Variants in PDE4A observed in about 807,000 individuals in gnomAD.
PDE4A encodes the protein phosphodiesterase 4A.
A neutral mutation model predicts 73.9 loss-of-function variants in PDE4A; 21 were observed. The observed-to-expected ratio is 0.28, with a 90% confidence interval of 0.20 to 0.41. PDE4A has a LOEUF of 0.41. Ranked by LOEUF, PDE4A falls within the 10% of genes least tolerant of loss-of-function variation. The pLI is 1.00. For synonymous variants in PDE4A, 463 were observed against 505.4 expected, an observed-to-expected ratio of 0.92 and a Z score of 1.13; for missense variants, 958 against 1,211.4, an observed-to-expected ratio of 0.79 and a Z score of 3.10.
intron 1 of PDE4A, among the ~76,000 whole-genome samples, chr19:10,425,241 C>A (rs1182552485): frequency 2.0e-5 from 3 of 150,742 alleles, no homozygotes; most frequent in African/African-American, 4.9e-5. Flanking sequence ...AAACAAAAAA[C>A]AAAAAACAGA....
intron 3 of PDE4A, 21 bp from the exon 4 acceptor site, chr19:10,449,059 C>T (rs1029701070): frequency 6.2e-7 from 1 of 1,612,716 alleles, no homozygotes; most frequent in Non-Finnish European, 8.5e-7. Context: ...CCCCACTCCT[C>T]ACTGCCGCTC....
intron 1 of PDE4A, chr19:10,432,583 G>T (rs1422325334): frequency 1.3e-6 from 2 of 1,514,376 alleles, no homozygotes; most frequent in African/African-American, 2.9e-5. Flanking sequence ...TGGGTGGCCC[G>T]TGGCCAGTCA....
intron 1 of PDE4A, among the ~76,000 whole-genome samples, chr19:10,440,944 C>T (rs1249738549): frequency 1.3e-5 from 2 of 148,528 alleles, no homozygotes; most frequent in East Asian, 4.0e-4. Context: ...CACCATGCTG[C>T]CCTGGCTGGT....
rs1412185202 is a variant in PDE4A at position 10,453,519 on chromosome 19, C to T, written c.784-1310C>T. On this transcript the variant is annotated intron_variant, in intron 6 of 14. Coordinates refer to ENST00000380702, the MANE Select transcript of PDE4A (RefSeq NM_001111307.2). The surrounding 1 kb of genome is among the most constrained non-coding windows in gnomAD (Gnocchi z 4.6). ...TGTGACTCTCCCTGGGGGTGGACTGCGGGTCCCTCACTGGGTGTGACTGTG... is the reference window on the plus strand; with the variant it reads ...TGTGACTCTCCCTGGGGGTGGACTGTGGGTCCCTCACTGGGTGTGACTGTG... Among the ~76,000 whole-genome samples the T allele has an allele frequency of 1.3e-5, 2 of 151,892 alleles. No individual in the cohort carries two copies. Among genetic ancestry groups the T allele is most frequent in the Non-Finnish European group, 2.9e-5 (2 of 67,928 alleles).
chr19:10,418,173 T>C (rs12978310), upstream of PDE4A, among the ~76,000 whole-genome samples: 1 of 152,206 alleles, frequency 6.6e-6, no homozygotes, highest in African/African-American at 2.4e-5. Context: ...CAGGCGGCTG[T>C]GCACCGGCTT....
At chr19:10,420,522 G>A, upstream of PDE4A, 1 of 1,088,630 alleles carries the variant, frequency 9.2e-7, no homozygotes, top group Non-Finnish European at 1.1e-6. This position sits in a 1 kb window ranked among gnomAD's most constrained non-coding sequence, Gnocchi z 6.0. Flanking sequence ...GCGGAACGCG[G>A]AGCGCGGAGC....
At chr19:10,459,550 CTGGAGGCCGG>C (rs1568382362) in intron 9 of PDE4A, 35 bp from the exon 10 acceptor site, 1 of 1,611,074 alleles carries the variant, frequency 6.2e-7, no homozygotes, top group Non-Finnish European at 8.5e-7. Flanking sequence ...TAGCGGGGCG[CTGGAGGCCGG>C]TGGAGGTCAC....
chr19:10,428,841 A>C, intron 1 of PDE4A: 1 of 985,454 alleles, frequency 1.0e-6, no homozygotes, highest in Non-Finnish European at 1.2e-6. Flanking sequence ...ACTCGAAAAT[A>C]GAGATTCACT....
At chr19:10,420,475 A>G (rs1302930850), upstream of PDE4A, 7 of 485,326 alleles carry the variant, frequency 1.4e-5, no homozygotes, top group Non-Finnish European at 1.9e-5. The surrounding 1 kb of genome is among the most constrained non-coding windows in gnomAD (Gnocchi z 6.0). Flanking sequence ...GAGGGGCGGG[A>G]CGGGGCGGAG....
intron 1 of PDE4A, among the ~76,000 whole-genome samples, chr19:10,425,931 G>T (rs561496129): frequency 2.4e-4 from 34 of 142,740 alleles, no homozygotes; most frequent in African/African-American, 9.0e-4. Flanking sequence ...AGGTTGCGGT[G>T]AGCCGAGATT....
chr19:10,430,837 CCGCGGCCATGG>C, intron 1 of PDE4A: 1 of 1,153,956 alleles, frequency 8.7e-7, no homozygotes, highest in Non-Finnish European at 1.1e-6. Context: ...CGGGGCCGCC[CCGCGGCCATGG>C]CGCGGCCGCG....
chr19:10,463,121 G>A (rs1284243870), intron 13 of PDE4A, among the ~76,000 whole-genome samples: 2 of 147,538 alleles, frequency 1.4e-5, no homozygotes, highest in Non-Finnish European at 3.0e-5. Context: ...TTTTGAGATC[G>A]GGTCTCTCTG....
intron 4 of PDE4A, 75 bp downstream of exon 4, chr19:10,449,225 T>G (rs1261019394): frequency 6.7e-7 from 1 of 1,499,750 alleles, no homozygotes; most frequent in African/African-American, 1.4e-5. Flanking sequence ...AGCCCTGCTG[T>G]GTGACCTCTG....
At chr19:10,440,594 TTTTA>T (rs1273715792) in intron 1 of PDE4A, among the ~76,000 whole-genome samples, 1 of 151,752 alleles carries the variant, frequency 6.6e-6, no homozygotes, top group Non-Finnish European at 1.5e-5. Flanking sequence ...TGGCTAATTA[TTTTA>T]TTTATTTATG....
chr19:10,423,814 G>A (rs1166906740), intron 1 of PDE4A, among the ~76,000 whole-genome samples: 1 of 152,240 alleles, frequency 6.6e-6, no homozygotes, highest in Non-Finnish European at 1.5e-5. Context: ...CTGTTTCACT[G>A]TGGGCCTGTG....
At chr19:10,462,751 C>T (rs549483960) in intron 13 of PDE4A, among the ~76,000 whole-genome samples, 1 of 152,260 alleles carries the variant, frequency 6.6e-6, no homozygotes, top group African/African-American at 2.4e-5. Flanking sequence ...GTCCCCTGTC[C>T]CTCTCCCTAA....
rs771562046 is a variant in PDE4A, at chr19:10,468,395, T to A, written c.*774T>A. On this transcript the variant is annotated 3_prime_UTR_variant, in exon 15 of 15. Transcript: ENST00000380702. ...TGGGATTTGAGGAGGGCCCTAGACC[T>A]CCTCCACTCTCCATCCCCTTTCCCT... The A allele has an allele frequency of 2.0e-5, 3 of 151,874 alleles. No individual in the cohort carries two copies. Among genetic ancestry groups the A allele is most frequent in the Non-Finnish European group, 4.4e-5 (3 of 67,716 alleles). 9.4% of individuals were successfully genotyped at this position (151,874 alleles called of 1,614,324 possible).
intron 13 of PDE4A, 131 bp downstream of exon 13, chr19:10,462,130 T>C: frequency 1.4e-6 from 1 of 736,154 alleles, no homozygotes; most frequent in Non-Finnish European, 2.2e-6. Flanking sequence ...CTTCTTTCTT[T>C]TTTTTTGTTT....
chr19:10,456,020 C>G (rs1309961887), intron 7 of PDE4A, among the ~76,000 whole-genome samples: 1 of 145,612 alleles, frequency 6.9e-6, no homozygotes, highest in African/African-American at 2.7e-5. Context: ...GATCTCCAAA[C>G]TTGGTATGAC....
Sources: gnomAD v4.1 joint callset for allele counts (sites outside exome capture counted in the v4.1 genomes callset) on GRCh38, gnomAD v4.1.1 for gene constraint, Gnocchi (gnomAD v3.1) non-coding constraint, MANE v1.5 for transcripts, NCBI Gene and HGNC (gene_info 2026-07-23, HGNC 2026-07-21) for gene names.